Variants in KLHL36 observed in about 807,000 individuals in gnomAD.
The protein encoded by KLHL36 is kelch-like protein 36.
Under a neutral mutation model 53.3 loss-of-function variants are expected in KLHL36, and 35 were observed. That is an observed-to-expected ratio of 0.66 (90% CI 0.50 to 0.87). The LOEUF is 0.87. Ranked by LOEUF, KLHL36 falls within the 40% of genes least tolerant of loss-of-function variation. The pLI is 0.00. For missense variants in KLHL36, 864 were observed against 897.6 expected, an observed-to-expected ratio of 0.96 and a Z score of 0.48; for synonymous variants, 472 against 398.9, an observed-to-expected ratio of 1.18 and a Z score of -2.18.
chr16:84,665,100 C>G lies in KLHL36; in HGVS notation c.*2967C>G, dbSNP rs760112161. 33 of 152,206 alleles carry G rather than the reference C, an allele frequency of 2.2e-4. No individual in the cohort carries two copies. 9.4% of individuals were successfully genotyped at this position (152,206 alleles called of 1,614,324 possible). ...TTATGCAGTGGCCATTTGAACCGCA[C>G]AGTCACGAATGTGGGGTTTTAAACT... On this transcript the variant is annotated 3_prime_UTR_variant, in exon 5 of 5. Transcript: ENST00000564996.
chr16:84,666,346 C>A lies in KLHL36; in HGVS notation c.*4213C>A, dbSNP rs553935797. On this transcript the variant is annotated 3_prime_UTR_variant, in exon 5 of 5. Coordinates refer to ENST00000564996, the MANE Select transcript of KLHL36 (RefSeq NM_024731.4). The stretch of plus-strand genomic sequence containing the variant: ...TGTCTTGGATCTTGCCCTTCTCCAT[C>A]GCTGATGTGATACAGCTCTAGAATT... 6.6e-6 allele frequency: 1 copy of A among 152,160 alleles called. No homozygotes were observed. The highest frequency in any genetic ancestry group is 1.5e-5 in the Non-Finnish European group (1 of 68,034). 9.4% of individuals were successfully genotyped at this position (152,160 alleles called of 1,614,324 possible).
rs1906620545 is a variant in KLHL36 at position 84,648,813 on chromosome 16, C to A, written c.-17+164C>A. The A allele has an allele frequency of 6.7e-6, 1 of 149,754 alleles. No individual in the cohort carries two copies. The highest frequency in any genetic ancestry group is 6.6e-5 in the Admixed American group (1 of 15,050). The allele number at this position is 149,754 out of a possible 1,614,324, so 9.3% of individuals were successfully genotyped here. On this transcript the variant is annotated intron_variant, in intron 1 of 4. Transcript: ENST00000564996. The surrounding 1 kb of genome is among the most constrained non-coding windows in gnomAD (Gnocchi z 4.9). ...CGGGCGGGTGGGCGAGTGGGGGCGC[C>A]GCGGCCGGGGGAGGGGCCGCCGCCC...
At position 84,659,885 on chromosome 16, in the gene KLHL36, T is replaced by C; in HGVS notation, c.1263T>C (p.Thr421=). The stretch of plus-strand genomic sequence containing the variant: ...CAGTAGAGACGTACAGTCCCAAGAC[T>C]GACTCCTGGTCCTATGTGGCCGGCT... ...LSSVETYSPK[T]DSWSYVAGLP... is the part of the protein sequence containing the mutation. Residue 421 remains threonine, a synonymous_variant, in exon 4 of 5, where the codon ACT becomes ACC. Transcript: ENST00000564996. 6.2e-7 allele frequency: 1 copy of C among 1,611,760 alleles called. No individual in the cohort carries two copies. Among genetic ancestry groups the C allele is most frequent in the South Asian group, 1.1e-5 (1 of 90,880 alleles).
chr16:84,662,074 C>T lies in KLHL36; in HGVS notation c.1792C>T (p.Arg598Trp), dbSNP rs748169051. Residue 598 changes from arginine to tryptophan, a missense_variant, in exon 5 of 5, where the codon CGG becomes TGG. Arg to Trp is a moderately radical substitution (Grantham distance 101, BLOSUM62 -3). Transcript: ENST00000564996. ...CGCCTGTGTCTGCGCCCTGGAGCCA[C>T]GGCCAGAGGACAAGAAGAAGAAAGG... ...GSACVCALEP[R>W]PEDKKKKGKG... 49 of 1,576,314 alleles carry T rather than the reference C, an allele frequency of 3.1e-5. No homozygotes were observed. The highest frequency in any genetic ancestry group is 5.4e-5 in the African/African-American group (4 of 74,642).
At chr16:84,653,460 C>T (rs931051679) in intron 2 of KLHL36, among the ~76,000 whole-genome samples, 4 of 151,926 alleles carry the variant, frequency 2.6e-5, no homozygotes, top group African/African-American at 7.3e-5. Context: ...TTACCAATGT[C>T]CCTTTATAAT....
rs1907546334 is a variant in KLHL36, at chr16:84,661,545, C to T, written c.1296-33C>T. On this transcript the variant is annotated intron_variant, in intron 4 of 4. Transcript: ENST00000564996. The surrounding 1 kb of genome is among the most constrained non-coding windows in gnomAD (Gnocchi z 7.9). The stretch of plus-strand genomic sequence containing the variant: ...GGGGTAAGCCTGGCACAGCCCTGAG[C>T]TCTCCCTCTGTCTCTGCCCGTCGAC... The T allele has an allele frequency of 6.5e-7, 1 of 1,546,098 alleles. No homozygotes were observed. The highest frequency in any genetic ancestry group is 8.8e-7 in the Non-Finnish European group (1 of 1,142,276).
In KLHL36 at chr16:84,657,841, G is replaced by A; in HGVS notation, c.1034G>A (p.Gly345Asp). The A allele has an allele frequency of 6.3e-7, 1 of 1,597,114 alleles. No homozygotes were observed. The highest frequency in any genetic ancestry group is 1.7e-4 in the Middle Eastern group (1 of 5,978). ...CACCACTGTGTCGCGGTGCTGGGGG[G>A]CTTCATCTTCATCGCCGGCGGCAGC... ...RSHHCVAVLG[G>D]FIFIAGGSFS... The change falls in exon 3 of 5, where the codon GGC (glycine) becomes GAC (aspartate). Residue 345 changes from glycine to aspartate, a missense_variant. Coordinates refer to ENST00000564996, the MANE Select transcript of KLHL36 (RefSeq NM_024731.4).
chr16:84,660,522 G>C (rs1176871220), intron 4 of KLHL36, among the ~76,000 whole-genome samples: 6 of 152,166 alleles, frequency 3.9e-5, no homozygotes, highest in African/African-American at 2.4e-5. Flanking sequence ...TTTTCCACCA[G>C]TTCCCTGTTG....
At chr16:84,658,255 T>A (rs1907342301) in intron 3 of KLHL36, 1 of 271,942 alleles carries the variant, frequency 3.7e-6, no homozygotes, top group Admixed American at 5.2e-5. Flanking sequence ...GACTGAGCAC[T>A]TGAAATGTGG....
Position 84,657,521 on chromosome 16 carries a change from G to A in KLHL36, c.714G>A (p.Pro238=), listed in dbSNP as rs756677010. ...ARQVLENIHF[P]LIPKNDLLHR... ...AGGTGCTGGAGAACATCCACTTCCC[G>A]CTCATCCCCAAGAACGACCTGCTGC... The change falls in exon 3 of 5, where the codon CCG becomes CCA. Residue 238 remains proline, a synonymous_variant. Transcript: ENST00000564996. 108 of 1,609,676 alleles carry A rather than the reference G, an allele frequency of 6.7e-5. No individual in the cohort carries two copies. The highest frequency in any genetic ancestry group is 3.3e-4 in the Middle Eastern group (2 of 6,084).
At position 84,662,023 on chromosome 16, in the gene KLHL36, C is replaced by T. The variant is rs758108771; in HGVS notation, c.1741C>T (p.Leu581=). 16 of 1,588,444 alleles carry T rather than the reference C, an allele frequency of 1.0e-5. No homozygotes were observed. The African/African-American group carries it at 1.7e-4, about 17-fold the overall frequency. The change falls in exon 5 of 5, where the codon CTG becomes TTG. Residue 581 remains leucine (L), a synonymous_variant. Coordinates refer to ENST00000564996, the MANE Select transcript of KLHL36 (RefSeq NM_024731.4). ...EADKWSRGVD[L]PKAIAGGSAC... is the part of the protein sequence containing the mutation. The stretch of plus-strand genomic sequence containing the variant: ...CGACAAGTGGAGCAGGGGCGTCGAC[C>T]TGCCCAAGGCCATCGCTGGCGGGTC...
chr16:84,664,916 C>G lies in KLHL36; in HGVS notation c.*2783C>G, dbSNP rs546092484. On this transcript the variant is annotated 3_prime_UTR_variant, in exon 5 of 5. Coordinates refer to ENST00000564996, the MANE Select transcript of KLHL36 (RefSeq NM_024731.4). ...GTGGGGCATGCAGTAGTCCCAGCTG[C>G]TTAGGAGGCTGAGGTGGGAGAATCA... The G allele has an allele frequency of 6.6e-6, 1 of 152,322 alleles. No individual in the cohort carries two copies. Among genetic ancestry groups the G allele is most frequent in the Non-Finnish European group, 1.5e-5 (1 of 68,046 alleles). 9.4% of individuals were successfully genotyped at this position (152,322 alleles called of 1,614,324 possible).
chr16:84,659,621 C>T, intron 3 of KLHL36, 139 bp from the exon 4 acceptor site: 5 of 879,040 alleles, frequency 5.7e-6, no homozygotes, highest in Non-Finnish European at 7.0e-6. Context: ...AAGAAGCCCT[C>T]TTTATTCAGG....
intron 2 of KLHL36, among the ~76,000 whole-genome samples, chr16:84,656,265 G>GT (rs2150723334): frequency 6.6e-6 from 1 of 150,382 alleles, no homozygotes; most frequent in East Asian, 2.0e-4. Flanking sequence ...GTTTTGTTTT[G>GT]TTTGTTTGTT....
chr16:84,657,093 G>A lies in KLHL36; in HGVS notation c.286G>A (p.Gly96Arg). The part of the protein sequence containing the change: ...EVELIGASYI[G>R]LKAVVDFLYG... Reference sequence around the variant, plus strand: ...GGAGCTGATCGGCGCCTCCTACATTGGGCTCAAGGCCGTGGTGGACTTCCT... The same window carrying A: ...GGAGCTGATCGGCGCCTCCTACATTAGGCTCAAGGCCGTGGTGGACTTCCT... The change falls in exon 3 of 5, where the codon GGG (glycine) becomes AGG (arginine). Residue 96 changes from glycine (G) to arginine (R), a missense_variant. Physicochemically the swap from Gly to Arg is moderately radical, Grantham distance 125. Coordinates refer to ENST00000564996, the MANE Select transcript of KLHL36 (RefSeq NM_024731.4). The A allele has an allele frequency of 6.2e-7, 1 of 1,614,210 alleles. No homozygotes were observed. The highest frequency in any genetic ancestry group is 8.5e-7 in the Non-Finnish European group (1 of 1,180,026).
chr16:84,659,737 G>T, intron 3 of KLHL36, 23 bp from the exon 4 acceptor site: 1 of 1,612,204 alleles, frequency 6.2e-7, no homozygotes, highest in African/African-American at 1.3e-5. Flanking sequence ...GGAAGGGAAG[G>T]TACAGGTATC....
At chr16:84,658,957 C>T (rs1047280939) in intron 3 of KLHL36, 1 of 151,956 alleles carries the variant, frequency 6.6e-6, no homozygotes, top group East Asian at 1.9e-4. Flanking sequence ...AGTGTGTTTG[C>T]CTTGGATTCG....
At chr16:84,657,975 C>T (rs1352252899) in intron 3 of KLHL36, 31 bp downstream of exon 3, 10 of 1,441,536 alleles carry the variant, frequency 6.9e-6, no homozygotes, top group Non-Finnish European at 8.3e-6. Context: ...TTTCTTTTCT[C>T]TTGAGGACTC....
rs778993905 is a variant in KLHL36, at chr16:84,656,994, C to T, written c.187C>T (p.Leu63=). The T allele has an allele frequency of 6.2e-7, 1 of 1,614,142 alleles. No individual in the cohort carries two copies. The stretch of plus-strand genomic sequence containing the variant: ...GCAGCGTGTGCCAGCCCATCGCAAC[C>T]TGCTGGCCGTGTGCAGCGACTACTT... ...DEQRVPAHRN[L]LAVCSDYFNS... is the part of the protein sequence containing the mutation. The change falls in exon 3 of 5, where the codon CTG becomes TTG. Residue 63 remains leucine, a synonymous_variant. Transcript: ENST00000564996.
Sources: allele counts gnomAD v4.1 joint callset (sites outside exome capture counted in the v4.1 genomes callset), GRCh38; gene constraint gnomAD v4.1.1; non-coding constraint Gnocchi (gnomAD v3.1); transcripts MANE v1.5; gene names NCBI Gene and HGNC (gene_info 2026-07-23, HGNC 2026-07-21).